The following URGCP variants were observed in gnomAD, a reference collection of about 807,000 sequenced individuals.
URGCP encodes the protein upregulator of cell proliferation.
Under a neutral mutation model 24.6 loss-of-function variants are expected in URGCP, and 13 were observed. The observed-to-expected ratio is 0.53, with a 90% confidence interval of 0.34 to 0.84. URGCP has a LOEUF of 0.84. URGCP is among the 40% of genes least tolerant of loss of function. The pLI is 0.01. For missense variants in URGCP, 899 were observed against 1,194.3 expected, an observed-to-expected ratio of 0.75 and a Z score of 3.64; for synonymous variants, 444 against 487.2, an observed-to-expected ratio of 0.91 and a Z score of 1.17.
chr7:43,882,477 G>A (rs903814630), intron 3 of URGCP, among the ~76,000 whole-genome samples: 9 of 152,010 alleles, frequency 5.9e-5, no homozygotes, highest in African/African-American at 2.2e-4. Context: ...AAAATTAGCT[G>A]GGCATGATGC....
At chr7:43,880,939 A>G (rs75094361) in intron 5 of URGCP, among the ~76,000 whole-genome samples, 6 of 152,368 alleles carry the variant, frequency 3.9e-5, no homozygotes, top group Admixed American at 1.3e-4. Context: ...TACGACCAGC[A>G]GGACTCACAG....
At chr7:43,879,350 G>T in intron 5 of URGCP, 90 bp from the exon 6 acceptor site, 1 of 1,455,324 alleles carries the variant, frequency 6.9e-7, no homozygotes, top group Non-Finnish European at 9.2e-7. Context: ...CCAGCAGGAT[G>T]GGGAGAGTGA....
intron 1 of URGCP, chr7:43,919,922 C>G: frequency 7.6e-7 from 1 of 1,321,410 alleles, no homozygotes; most frequent in African/African-American, 1.4e-5. Context: ...TGGAGCCGTT[C>G]CGCAAGGAGG....
Position 43,878,040 on chromosome 7 carries a change from G to A in URGCP, c.1423C>T (p.Arg475Trp), listed in dbSNP as rs779235489. The change falls in exon 6 of 6, where the codon CGG becomes TGG. Residue 475 changes from arginine to tryptophan, a missense_variant. Coordinates refer to ENST00000453200, the MANE Select transcript of URGCP (RefSeq NM_001077663.3). The surrounding 1 kb of genome is among the most constrained non-coding windows in gnomAD (Gnocchi z 5.6). Reference sequence around the variant, plus strand: ...ATTTTCCTGGTAATCCTCTCCATCCGGTCTTTCGCTTTCTGACACTCCTCA... The same window carrying A: ...ATTTTCCTGGTAATCCTCTCCATCCAGTCTTTCGCTTTCTGACACTCCTCA... ...DCEECQKAKD[R>W]MERITRKIKD... The A allele has an allele frequency of 3.1e-6, 5 of 1,614,042 alleles. No individual in the cohort carries two copies. In the South Asian group the frequency reaches 3.3e-5, roughly 11 times the overall value.
At chr7:43,890,315 C>T (rs1258301445) in intron 1 of URGCP, among the ~76,000 whole-genome samples, 3 of 149,278 alleles carry the variant, frequency 2.0e-5, no homozygotes, top group African/African-American at 5.0e-5. Context: ...CCTGGGTTCA[C>T]GCCATTCTCC....
intron 5 of URGCP, among the ~76,000 whole-genome samples, chr7:43,880,457 G>A (rs1238409532): frequency 6.6e-6 from 1 of 151,822 alleles, no homozygotes; most frequent in African/African-American, 2.4e-5. Flanking sequence ...ATTTGTTGTT[G>A]TTTGAGGCAG....
chr7:43,881,587 G>A (rs1375537269), intron 5 of URGCP, 72 bp downstream of exon 5: 11 of 1,607,156 alleles, frequency 6.8e-6, no homozygotes, highest in Non-Finnish European at 9.4e-6. Context: ...ATACAGTCAG[G>A]TGTGGGAACT....
At position 43,878,914 on chromosome 7, in the gene URGCP, G is replaced by A. The variant is rs748829781; in HGVS notation, c.549C>T (p.Pro183=). Residue 183 remains proline (P), a synonymous_variant, in exon 6 of 6, where the codon CCC becomes CCT. Coordinates refer to ENST00000453200, the MANE Select transcript of URGCP (RefSeq NM_001077663.3). The surrounding 1 kb of genome is among the most constrained non-coding windows in gnomAD (Gnocchi z 5.6). The part of the protein sequence containing the change: ...ELPTPDTPVN[P]LDLLCALLLS... ...GCAGCAGGGCACAGAGAAGGTCTAA[G>A]GGGTTCACTGGCGTATCAGGGGTGG... The A allele has an allele frequency of 3.7e-6, 6 of 1,614,136 alleles. No individual in the cohort carries two copies. Among genetic ancestry groups the A allele is most frequent in the South Asian group, 3.3e-5 (3 of 91,094 alleles).
rs766363170 is a variant in URGCP, at chr7:43,876,795, C to T, written c.2668G>A (p.Ala890Thr). The change falls in exon 6 of 6, where the codon GCA (alanine) becomes ACA (threonine). Residue 890 changes from alanine (A) to threonine (T), a missense_variant. Coordinates refer to ENST00000453200, the MANE Select transcript of URGCP (RefSeq NM_001077663.3). The part of the protein sequence containing the change: ...GLWHGAPPMA[A>T]VSLAYSEAIF... The stretch of plus-strand genomic sequence containing the variant: ...GCTTCACTGTAGGCCAAGCTCACTG[C>T]GGCCATGGGAGGTGCTCCGTGCCAC... 2.8e-5 allele frequency: 45 copies of T among 1,614,074 alleles called. No individual in the cohort carries two copies. The highest frequency in any genetic ancestry group is 3.0e-5 in the Non-Finnish European group (35 of 1,180,048).
chr7:43,906,963 A>C (rs1431939789), upstream of URGCP: 2 of 158,606 alleles, frequency 1.3e-5, no homozygotes, highest in Non-Finnish European at 2.8e-5. Flanking sequence ...TTAGCCCTGA[A>C]GCGTAAGGCC....
intron 3 of URGCP, among the ~76,000 whole-genome samples, chr7:43,883,360 A>ATTTTTTT (rs1379068898): frequency 1.4e-4 from 14 of 98,278 alleles, no homozygotes; most frequent in Admixed American, 2.3e-4. Context: ...ATATATATAT[A>ATTTTTTT]TATTTTTTTT....
chr7:43,882,479 G>A (rs563420535), intron 3 of URGCP, among the ~76,000 whole-genome samples: 10 of 152,176 alleles, frequency 6.6e-5, no homozygotes, highest in Admixed American at 1.3e-4. Flanking sequence ...AATTAGCTGG[G>A]CATGATGCCA....
chr7:43,910,539 AT>A (rs1311289270), upstream of URGCP, among the ~76,000 whole-genome samples: 1 of 151,742 alleles, frequency 6.6e-6, no homozygotes, highest in Non-Finnish European at 1.5e-5. Flanking sequence ...CCATCTTTTT[AT>A]TAAAAATTTA....
intron 1 of URGCP, among the ~76,000 whole-genome samples, chr7:43,905,213 A>G (rs74654720): frequency 6.6e-6 from 1 of 151,220 alleles, no homozygotes; most frequent in African/African-American, 2.4e-5. Context: ...TTTTTTTTAA[A>G]GCTTCGTTCA....
At chr7:43,912,396 G>A (rs569893445) in intron 1 of URGCP, among the ~76,000 whole-genome samples, 51 of 152,314 alleles carry the variant, frequency 3.3e-4, no homozygotes, top group Admixed American at 2.6e-3. Flanking sequence ...CTACTCGGGA[G>A]GCTAAGGCAG....
At chr7:43,891,404 G>C (rs1294117973) in intron 1 of URGCP, among the ~76,000 whole-genome samples, 1 of 152,182 alleles carries the variant, frequency 6.6e-6, no homozygotes, top group East Asian at 1.9e-4. Context: ...GAGTCAGGCT[G>C]GTGGGACCAA....
At chr7:43,883,010 G>T (rs1277115322) in intron 3 of URGCP, among the ~76,000 whole-genome samples, 4 of 152,102 alleles carry the variant, frequency 2.6e-5, no homozygotes, top group African/African-American at 7.2e-5. Context: ...CAGAGGTGAG[G>T]TGCGGGGGGA....
chr7:43,926,403 C>T (rs1167283161), exon 1 of URGCP: 2 of 733,644 alleles, frequency 2.7e-6, no homozygotes, highest in Non-Finnish European at 3.7e-6. Flanking sequence ...GCGACGACGG[C>T]CCCACAGTGC....
At chr7:43,887,766 AG>A in intron 2 of URGCP, 23 bp downstream of exon 2, 1 of 1,549,092 alleles carries the variant, frequency 6.5e-7, no homozygotes, top group Non-Finnish European at 8.7e-7. Flanking sequence ...ACAGTCATTC[AG>A]AAAGACAGAA....
Sources: gnomAD v4.1 joint callset for allele counts (sites outside exome capture counted in the v4.1 genomes callset) on GRCh38, gnomAD v4.1.1 for gene constraint, Gnocchi (gnomAD v3.1) non-coding constraint, MANE v1.5 for transcripts, NCBI Gene and HGNC (gene_info 2026-07-23, HGNC 2026-07-21) for gene names.